Variants in PLEKHB1 observed in about 807,000 individuals in gnomAD.
PLEKHB1 encodes pleckstrin homology domain-containing family B member 1.
Under a neutral mutation model 36.2 loss-of-function variants are expected in PLEKHB1, and 29 were observed. The observed-to-expected ratio is 0.80, with a 90% CI of 0.60 to 1.09. PLEKHB1 has a LOEUF of 1.09. PLEKHB1 is among the 50% of genes least tolerant of loss of function. The pLI is 0.00. For synonymous variants in PLEKHB1, 138 were observed against 140.0 expected, an observed-to-expected ratio of 0.99 and a Z score of 0.10; for missense variants, 330 against 348.2, an observed-to-expected ratio of 0.95 and a Z score of 0.42.
chr11:73,649,371 A>G (rs1391883581), intron 2 of PLEKHB1, among the ~76,000 whole-genome samples: 1 of 151,904 alleles, frequency 6.6e-6, no homozygotes, highest in Non-Finnish European at 1.5e-5. Flanking sequence ...GCTGGATTAG[A>G]GGCTCCCTCC....
chr11:73,654,778 G>A (rs1283266377), intron 5 of PLEKHB1, among the ~76,000 whole-genome samples: 3 of 152,206 alleles, frequency 2.0e-5, no homozygotes, highest in African/African-American at 4.8e-5. Flanking sequence ...TTCATGAGGC[G>A]AATGAAACAG....
intron 5 of PLEKHB1, among the ~76,000 whole-genome samples, chr11:73,653,798 G>C (rs620059): frequency 0.05 from 7,583 of 152,176 alleles, 619 homozygotes; most frequent in African/African-American, 0.17. Context: ...CTTAGGGAGT[G>C]AGTGGGTAAG....
chr11:73,652,977 C>A lies in PLEKHB1; in HGVS notation c.353C>A (p.Ala118Glu). The A allele has an allele frequency of 6.2e-7, 1 of 1,609,546 alleles. No individual in the cohort carries two copies. The highest frequency in any genetic ancestry group is 8.5e-7 in the Non-Finnish European group (1 of 1,177,008). The part of the protein sequence containing the change: ...LCAETKDDAL[A>E]WKTALLEANS... ...GTCTGGTGGGATTTGCTTTGCAGAG[C>A]ATGGAAGACAGCACTGCTGGAGGCA... Residue 118 changes from alanine (A) to glutamate (E), a missense_variant and splice_region_variant, in exon 5 of 8, where the codon GCA becomes GAA. Physicochemically the swap from Ala to Glu is moderately radical, Grantham distance 107. Transcript: ENST00000354190.
chr11:73,653,416 G>GCTGCTACTA, intron 5 of PLEKHB1: 2 of 477,426 alleles, frequency 4.2e-6, no homozygotes, highest in Non-Finnish European at 8.3e-6. Context: ...TATTTACTGA[G>GCTGCTACTA]CTGCTACTAT....
chr11:73,656,674 G>A (rs1944999095), intron 6 of PLEKHB1, among the ~76,000 whole-genome samples: 1 of 152,172 alleles, frequency 6.6e-6, no homozygotes. Flanking sequence ...GTGGCAGGAG[G>A]GGGCTTGAGT....
Position 73,651,846 on chromosome 11 carries a change from A to G in PLEKHB1, c.306A>G (p.Glu102=). 1 of 1,613,646 alleles carries G rather than the reference A, an allele frequency of 6.2e-7. No individual in the cohort carries two copies. Among genetic ancestry groups the G allele is most frequent in the African/African-American group, 1.3e-5 (1 of 75,058 alleles). ...GCCTGCTGACTGTGAACCTACGGGA[A>G]GGCGGCCGCCTGCACCTCTGTGCGG... ...RDGLLTVNLR[E]GGRLHLCAET... is the part of the protein sequence containing the mutation. The change falls in exon 4 of 8, where the codon GAA becomes GAG. Residue 102 remains glutamate (E), a synonymous_variant. Transcript: ENST00000354190.
intron 4 of PLEKHB1, 44 bp from the exon 5 acceptor site, chr11:73,652,930 AC>A (rs1184596639): frequency 1.0e-5 from 16 of 1,556,354 alleles, no homozygotes; most frequent in Non-Finnish European, 1.4e-5. Context: ...CAATTCACCC[AC>A]CCCCAAACTC....
rs901911263 is a variant in PLEKHB1, at chr11:73,660,847, A to G, written c.590A>G (p.Tyr197Cys). 8.2e-6 allele frequency: 13 copies of G among 1,584,920 alleles called. No homozygotes were observed. The East Asian group carries it at 3.0e-4, about 37-fold the overall frequency. Residue 197 changes from tyrosine (Y) to cysteine (C), a missense_variant, in exon 7 of 8, where the codon TAC (tyrosine) becomes TGC (cysteine). By Grantham distance (194) the Tyr-to-Cys change is radical. Transcript: ENST00000354190. ...GTCCGCAGCTACTACGGACCGCCCT[A>G]CGCAGGTAAGTCTCCAGCGTGCCCC... Reference protein sequence around the residue: ...TYVRSYYGPPYAGPGVTHVIV... With the variant: ...TYVRSYYGPPCAGPGVTHVIV...
intron 6 of PLEKHB1, 66 bp from the exon 7 acceptor site, chr11:73,660,687 G>C (rs982781469): frequency 1.4e-6 from 2 of 1,467,840 alleles, no homozygotes; most frequent in African/African-American, 2.8e-5. Flanking sequence ...TGTGCCAGGC[G>C]TGGGGGTAGG....
In PLEKHB1 at chr11:73,661,149, C is replaced by T. The variant is rs1425859553; in HGVS notation, c.595+297C>T. ...TACTGCGGGAATGCTGCCTCCTCCC[C>T]GCTCTGGGGCCTGGCGGTTGGGAAT... is the stretch of plus-strand genomic sequence containing the variant. On this transcript the variant is annotated intron_variant, in intron 7 of 7. Transcript: ENST00000354190. The surrounding 1 kb of genome is among the most constrained non-coding windows in gnomAD (Gnocchi z 4.6). 6.6e-6 allele frequency among the ~76,000 whole-genome samples: 1 copy of T among 152,230 alleles called. No individual in the cohort carries two copies. Among genetic ancestry groups the T allele is most frequent in the African/African-American group, 2.4e-5 (1 of 41,460 alleles).
rs201688023 is a variant in PLEKHB1, at chr11:73,652,960, G to A, written c.351-15G>A. On this transcript the variant is annotated splice_polypyrimidine_tract_variant and intron_variant, in intron 4 of 7. Coordinates refer to ENST00000354190, the MANE Select transcript of PLEKHB1 (RefSeq NM_021200.3). The stretch of plus-strand genomic sequence containing the variant: ...CAAACTCCCTCCTCATGGTCTGGTG[G>A]GATTTGCTTTGCAGAGCATGGAAGA... 171 of 1,604,484 alleles carry A rather than the reference G, an allele frequency of 1.1e-4. 2 individuals carry two copies. The Admixed American group carries it at 2.8e-3, about 26-fold the overall frequency.
intron 5 of PLEKHB1, 41 bp from the exon 6 acceptor site, chr11:73,655,762 C>A: frequency 6.4e-7 from 1 of 1,566,814 alleles, no homozygotes; most frequent in Non-Finnish European, 8.8e-7. Context: ...CTGACACCCC[C>A]TCCCTCCCTC....
At chr11:73,648,962 C>G (rs1944826127) in intron 1 of PLEKHB1, 50 bp from the exon 2 acceptor site, 1 of 1,555,772 alleles carries the variant, frequency 6.4e-7, no homozygotes, top group Admixed American at 2.0e-5. Context: ...GGGGGCTTCT[C>G]TCCAGGGAGC....
At chr11:73,656,172 C>T (rs1197132951) in intron 6 of PLEKHB1, among the ~76,000 whole-genome samples, 1 of 152,214 alleles carries the variant, frequency 6.6e-6, no homozygotes, top group Non-Finnish European at 1.5e-5. Context: ...TCCTGTAAGG[C>T]CCACCTCAAA....
chr11:73,656,268 G>A (rs1317836156), intron 6 of PLEKHB1, among the ~76,000 whole-genome samples: 1 of 152,196 alleles, frequency 6.6e-6, no homozygotes, highest in Non-Finnish European at 1.5e-5. Flanking sequence ...CCAAGGCTTA[G>A]TGCTTTCTTC....
In PLEKHB1 at chr11:73,661,849, T is replaced by A. The variant is rs1382250618; in HGVS notation, c.*247T>A. On this transcript the variant is annotated 3_prime_UTR_variant, in exon 8 of 8. Transcript: ENST00000354190. The surrounding 1 kb of genome is among the most constrained non-coding windows in gnomAD (Gnocchi z 4.6). ...CACTAGACACCCCCAAAATCTGTTA[T>A]AGACATTTATGGATACATTTCCTCT... The A allele has an allele frequency of 2.1e-6, 1 of 486,368 alleles. No individual in the cohort carries two copies. The highest frequency in any genetic ancestry group is 3.6e-6 in the Non-Finnish European group (1 of 277,640). 30.1% of individuals were successfully genotyped at this position (486,368 alleles called of 1,614,324 possible).
rs970990709 is a variant in PLEKHB1 at position 73,661,818 on chromosome 11, A to G, written c.*216A>G. 28 of 567,158 alleles carry G rather than the reference A, an allele frequency of 4.9e-5. No individual in the cohort carries two copies. The highest frequency in any genetic ancestry group is 7.7e-5 in the Non-Finnish European group (26 of 338,948). The allele number at this position is 567,158 out of a possible 1,614,324, so 35.1% of individuals were successfully genotyped here. A position where few individuals can be genotyped will look rare whatever the true frequency, so the allele number is the denominator to read the frequency against. On this transcript the variant is annotated 3_prime_UTR_variant, in exon 8 of 8. Transcript: ENST00000354190. This position sits in a 1 kb window ranked among gnomAD's most constrained non-coding sequence, Gnocchi z 4.6. ...TACAAACATCGCTTGAAGTCTTCAC[A>G]TCTACCACTAGACACCCCCAAAATC...
chr11:73,649,977 G>C (rs1158746269), intron 2 of PLEKHB1, among the ~76,000 whole-genome samples: 3 of 152,232 alleles, frequency 2.0e-5, no homozygotes, highest in Non-Finnish European at 2.9e-5. Flanking sequence ...TGAGTTGGGA[G>C]GATTGCTTGA....
chr11:73,660,548 A>G (rs1945083592), intron 6 of PLEKHB1: 8 of 581,694 alleles, frequency 1.4e-5, no homozygotes, highest in Admixed American at 6.2e-5. Context: ...TGGGAGCTGG[A>G]TGTAGGGCAG....
Sources: gnomAD v4.1 joint callset for allele counts (sites outside exome capture counted in the v4.1 genomes callset) on GRCh38, gnomAD v4.1.1 for gene constraint, Gnocchi (gnomAD v3.1) non-coding constraint, MANE v1.5 for transcripts, NCBI Gene and HGNC (gene_info 2026-07-23, HGNC 2026-07-21) for gene names.